Variants in ADGRA2 observed in about 807,000 individuals in gnomAD.
The protein encoded by ADGRA2 is adhesion G protein-coupled receptor A2, also known as G-protein coupled receptor 124.
A neutral mutation model predicts 98.7 loss-of-function variants in ADGRA2; 61 were observed. The ratio of observed to expected loss-of-function variants is 0.62; its 90% CI spans 0.50 to 0.76. The LOEUF is 0.76. ADGRA2 is among the 30% of genes least tolerant of loss of function. ADGRA2 has a pLI of 0.00. For missense variants in ADGRA2, 1,712 were observed against 1,860.0 expected (o/e 0.92, Z 1.46); for synonymous variants, 858 against 831.5 (o/e 1.03, Z -0.55).
intron 1 of ADGRA2, among the ~76,000 whole-genome samples, chr8:37,805,681 A>G (rs532198779): frequency 6.6e-6 from 1 of 152,106 alleles, no homozygotes; most frequent in African/African-American, 2.4e-5. Context: ...CATCCTGGCT[A>G]ACACAGTGAA....
rs779044195 is a variant in ADGRA2, at chr8:37,840,104, G to A, written c.2512-17G>A. 41 of 1,566,226 alleles carry A rather than the reference G, an allele frequency of 2.6e-5. No homozygotes were observed. Among genetic ancestry groups the A allele is most frequent in the Middle Eastern group, 3.4e-4 (2 of 5,868 alleles). Reference sequence around the variant, plus strand: ...CGTAGTCCCCAGGTCCCCAGCCTCCGTGCCTTGACCCCGCAGGTGGGCATC... The same window carrying A: ...CGTAGTCCCCAGGTCCCCAGCCTCCATGCCTTGACCCCGCAGGTGGGCATC... On this transcript the variant is annotated splice_polypyrimidine_tract_variant and intron_variant, in intron 16 of 18. Transcript: ENST00000412232.
chr8:37,824,307 GCA>G (rs1805207899), intron 2 of ADGRA2, among the ~76,000 whole-genome samples: 1 of 151,668 alleles, frequency 6.6e-6, no homozygotes, highest in Non-Finnish European at 1.5e-5. Flanking sequence ...GGGATTACAT[GCA>G]TGAGCCATCA....
chr8:37,829,412 C>T (rs973778498), intron 4 of ADGRA2, 76 bp from the exon 5 acceptor site: 3 of 1,528,476 alleles, frequency 2.0e-6, no homozygotes, highest in Admixed American at 3.3e-5. Context: ...CCAACCCTTC[C>T]ACATCCCACC....
intron 2 of ADGRA2, among the ~76,000 whole-genome samples, chr8:37,816,593 A>AAC (rs545433349): frequency 0.085 from 11,124 of 131,192 alleles, 453 homozygotes; most frequent in Middle Eastern, 0.1. Flanking sequence ...CTCCGTCTCA[A>AAC]ACACACACAC....
intron 2 of ADGRA2, 39 bp from the exon 3 acceptor site, chr8:37,828,849 C>T (rs777936888): frequency 5.2e-6 from 8 of 1,543,854 alleles, no homozygotes; most frequent in South Asian, 1.2e-5. Context: ...GCGGCTCCAG[C>T]GGGGAGAGGT....
Position 37,834,199 on chromosome 8 carries a change from C to T in ADGRA2, c.1608+71C>T. 1 of 1,354,822 alleles carries T rather than the reference C, an allele frequency of 7.4e-7. No homozygotes were observed. The highest frequency in any genetic ancestry group is 1.0e-6 in the Non-Finnish European group (1 of 992,924). 83.9% of individuals were successfully genotyped at this position (1,354,822 alleles called of 1,614,324 possible). ...GAGGCGCTCCCTCTCAGGCGTGCAC[C>T]TGCCGTGCCCCAGCTAGCAAGAGCA... On this transcript the variant is annotated intron_variant, in intron 11 of 18. Transcript: ENST00000412232. This position sits in a 1 kb window ranked among gnomAD's most constrained non-coding sequence, Gnocchi z 4.2.
At position 37,844,702 on chromosome 8, in the gene ADGRA2, G is replaced by A. The variant is rs747225796; in HGVS notation, c.*2347G>A. 7 of 1,613,952 alleles carry A rather than the reference G, an allele frequency of 4.3e-6. No homozygotes were observed. The highest frequency in any genetic ancestry group is 1.3e-5 in the African/African-American group (1 of 74,900). ...AAGAGAAGGGCAGGACTGGCCGGCC[G>A]CTTCCCCTGGGGTAAACCTAAGGAA... On this transcript the variant is annotated 3_prime_UTR_variant, in exon 19 of 19. Transcript: ENST00000412232.
At chr8:37,808,769 T>C (rs770915438) in intron 1 of ADGRA2, among the ~76,000 whole-genome samples, 13 of 152,148 alleles carry the variant, frequency 8.5e-5, no homozygotes, top group Non-Finnish European at 1.6e-4. Flanking sequence ...CTGGGTAACA[T>C]AGTGAGATCC....
At chr8:37,815,647 G>A (rs550671422) in intron 2 of ADGRA2, among the ~76,000 whole-genome samples, 5 of 152,356 alleles carry the variant, frequency 3.3e-5, no homozygotes, top group Non-Finnish European at 7.4e-5. Flanking sequence ...GGGAAATGGG[G>A]GGATGCAGAA....
intron 1 of ADGRA2, among the ~76,000 whole-genome samples, chr8:37,809,641 G>C (rs572679046): frequency 2.0e-5 from 3 of 152,356 alleles, no homozygotes; most frequent in African/African-American, 7.2e-5. Flanking sequence ...GTGGGTCAGA[G>C]GGTGGGGCAT....
At chr8:37,826,902 C>T (rs1419754619) in intron 2 of ADGRA2, among the ~76,000 whole-genome samples, 1 of 150,910 alleles carries the variant, frequency 6.6e-6, no homozygotes, top group Non-Finnish European at 1.5e-5. Context: ...ACCCTGACCC[C>T]CTCCTCCATC....
At chr8:37,819,679 T>C (rs1229934513) in intron 2 of ADGRA2, among the ~76,000 whole-genome samples, 1 of 151,626 alleles carries the variant, frequency 6.6e-6, no homozygotes, top group East Asian at 1.9e-4. Context: ...CTTTTTCTTT[T>C]TTCTTTTTTG....
intron 4 of ADGRA2, 51 bp from the exon 5 acceptor site, chr8:37,829,437 G>A (rs760721955): frequency 8.4e-6 from 13 of 1,551,346 alleles, no homozygotes; most frequent in Middle Eastern, 1.7e-4. Context: ...CTCCTCCGCC[G>A]GCCCATGGAC....
chr8:37,828,597 C>T (rs1172355599), intron 2 of ADGRA2, among the ~76,000 whole-genome samples: 2 of 151,046 alleles, frequency 1.3e-5, no homozygotes, highest in African/African-American at 4.9e-5. Flanking sequence ...AGCAATTCTC[C>T]TGCCTAGCTG....
intron 1 of ADGRA2, among the ~76,000 whole-genome samples, chr8:37,806,525 TC>T (rs1361239369): frequency 7.7e-4 from 105 of 136,022 alleles, no homozygotes; most frequent in African/African-American, 2.2e-3. Flanking sequence ...TTTTTCTTTT[TC>T]TTTTTTTTTT....
intron 1 of ADGRA2, among the ~76,000 whole-genome samples, chr8:37,799,544 G>C (rs1804437857): frequency 6.6e-6 from 1 of 152,146 alleles, no homozygotes; most frequent in Non-Finnish European, 1.5e-5. Flanking sequence ...GCGGTAGATA[G>C]AAAGGCAGTT....
intron 2 of ADGRA2, among the ~76,000 whole-genome samples, chr8:37,828,478 GTTCT>G (rs1805347510): frequency 1.8e-5 from 2 of 112,504 alleles, no homozygotes; most frequent in African/African-American, 6.4e-5. Flanking sequence ...CGAGGGGGTG[GTTCT>G]TTTTTTTTTT....
intron 1 of ADGRA2, among the ~76,000 whole-genome samples, chr8:37,812,008 A>C (rs1406396210): frequency 6.6e-6 from 1 of 151,960 alleles, no homozygotes; most frequent in African/African-American, 2.4e-5. Flanking sequence ...AGGCTGAGGC[A>C]GGAGAATCAC....
intron 1 of ADGRA2, among the ~76,000 whole-genome samples, chr8:37,810,614 C>T (rs1209778055): frequency 3.9e-5 from 6 of 152,226 alleles, no homozygotes; most frequent in Non-Finnish European, 5.9e-5. Context: ...CCTCTTGCCT[C>T]GTCCTCCCAA....
Sources: allele counts gnomAD v4.1 joint callset (sites outside exome capture counted in the v4.1 genomes callset), GRCh38; gene constraint gnomAD v4.1.1; non-coding constraint Gnocchi (gnomAD v3.1); transcripts MANE v1.5; gene names NCBI Gene and HGNC (gene_info 2026-07-23, HGNC 2026-07-21).